The following ARSK variants were observed in gnomAD, a reference collection of about 807,000 sequenced individuals.
ARSK encodes the protein arylsulfatase family member K, also known as arylsulfatase K.
Under a neutral mutation model 53.2 loss-of-function variants are expected in ARSK, and 37 were observed. The ratio of observed to expected loss-of-function variants is 0.70; its 90% confidence interval spans 0.54 to 0.92. The LOEUF is 0.92. ARSK is among the 40% of genes least tolerant of loss of function. The pLI is 0.00. For missense variants in ARSK, 613 were observed against 643.0 expected (o/e 0.95, Z 0.51); for synonymous variants, 208 against 223.2 (o/e 0.93, Z 0.61).
At chr5:95,571,020 A>T (rs150276903) in intron 3 of ARSK, among the ~76,000 whole-genome samples, 6,518 of 152,310 alleles carry the variant, frequency 0.043, 196 homozygotes, top group East Asian at 0.11. Flanking sequence ...TGACCTCATG[A>T]TCTGCCCGCC....
intron 3 of ARSK, among the ~76,000 whole-genome samples, chr5:95,574,694 A>G (rs1561363533): frequency 6.6e-6 from 1 of 151,782 alleles, no homozygotes; most frequent in East Asian, 1.9e-4. Context: ...CGATTATTAG[A>G]TTTTTTTCCT....
In ARSK at chr5:95,602,838, T is replaced by C. The variant is rs970146592; in HGVS notation, c.1322-399T>C. Reference sequence around the variant, plus strand: ...GTTGCAGGAACATGACTTGTCTATATAAAGAATTTGTAGAAAGTTTGAGGC... The same window carrying C: ...GTTGCAGGAACATGACTTGTCTATACAAAGAATTTGTAGAAAGTTTGAGGC... On this transcript the variant is annotated intron_variant, in intron 7 of 7. Transcript: ENST00000380009. Among the ~76,000 whole-genome samples the C allele has an allele frequency of 2.0e-5, 3 of 152,302 alleles. No individual in the cohort carries two copies. In the East Asian group the frequency reaches 5.8e-4, roughly 29 times the overall value.
In ARSK at chr5:95,567,988, C is replaced by A. The variant is rs139138228; in HGVS notation, c.355C>A (p.His119Asn). The change falls in exon 3 of 8, where the codon CAT becomes AAT. Residue 119 changes from histidine to asparagine, a missense_variant. His to Asn is a moderately conservative substitution (Grantham distance 68, BLOSUM62 1). Coordinates refer to ENST00000380009, the MANE Select transcript of ARSK (RefSeq NM_198150.3). ...YTTWMDVMER[H>N]GYRTQKFGKL... The stretch of plus-strand genomic sequence containing the variant: ...AACATGGATGGATGTCATGGAGAGG[C>A]ATGGCTACCGAACACAGAAATTTGG... 1.4e-4 allele frequency: 232 copies of A among 1,613,674 alleles called. No homozygotes were observed. Among genetic ancestry groups the A allele is most frequent in the Non-Finnish European group, 9.3e-6 (11 of 1,179,862 alleles).
At chr5:95,566,215 T>G in intron 2 of ARSK, 88 bp downstream of exon 2, 1 of 1,485,670 alleles carries the variant, frequency 6.7e-7, no homozygotes, top group Middle Eastern at 1.7e-4. Flanking sequence ...AAAAGTAGAA[T>G]AGTTGTATTT....
chr5:95,594,465 A>G (rs1487988886), intron 6 of ARSK, among the ~76,000 whole-genome samples: 1 of 152,252 alleles, frequency 6.6e-6, no homozygotes, highest in African/African-American at 2.4e-5. Context: ...CAGTGGTCAT[A>G]AAAATATTAA....
At chr5:95,558,589 A>G (rs1341692888) in intron 1 of ARSK, among the ~76,000 whole-genome samples, 1 of 152,232 alleles carries the variant, frequency 6.6e-6, no homozygotes, top group Non-Finnish European at 1.5e-5. Flanking sequence ...CAACAACTGT[A>G]TGTCATCAAA....
At chr5:95,580,748 A>G in intron 3 of ARSK, 1 of 283,994 alleles carries the variant, frequency 3.5e-6, no homozygotes, top group South Asian at 4.9e-5. Flanking sequence ...CATTGATTAT[A>G]ATTATTAATC....
chr5:95,598,928 G>A (rs2112449247), intron 6 of ARSK, among the ~76,000 whole-genome samples: 1 of 152,284 alleles, frequency 6.6e-6, no homozygotes. Flanking sequence ...CTGTCTAAAT[G>A]TGACCTTCTC....
chr5:95,566,715 G>T (rs1348221960), intron 2 of ARSK, among the ~76,000 whole-genome samples: 1 of 152,082 alleles, frequency 6.6e-6, no homozygotes, highest in East Asian at 1.9e-4. Flanking sequence ...TTAACAAATA[G>T]GAAAAAACTG....
At chr5:95,574,116 G>C (rs1023701404) in intron 3 of ARSK, among the ~76,000 whole-genome samples, 3 of 151,942 alleles carry the variant, frequency 2.0e-5, no homozygotes, top group Non-Finnish European at 4.4e-5. Context: ...TTCTGTGCCT[G>C]GCTTATTTCA....
At chr5:95,565,951 C>A in intron 1 of ARSK, 47 bp from the exon 2 acceptor site, 1 of 1,503,758 alleles carries the variant, frequency 6.7e-7, no homozygotes, top group Non-Finnish European at 8.9e-7. Context: ...AAATAATTTT[C>A]TTCTTTGGTA....
intron 3 of ARSK, among the ~76,000 whole-genome samples, chr5:95,568,794 T>C (rs1748774908): frequency 6.6e-6 from 1 of 152,168 alleles, no homozygotes; most frequent in Non-Finnish European, 1.5e-5. Flanking sequence ...GCCTGGAGCA[T>C]TTGTGCATTG....
intron 3 of ARSK, among the ~76,000 whole-genome samples, chr5:95,577,559 G>C (rs972400728): frequency 3.3e-5 from 5 of 152,112 alleles, no homozygotes; most frequent in African/African-American, 1.2e-4. Flanking sequence ...AATCAAAAAG[G>C]CTGCCTTTGT....
Position 95,563,503 on chromosome 5 carries a change from C to T in ARSK, c.127-2495C>T, listed in dbSNP as rs74758867. ...AATCGTTGGGAACTTTCCCACATGA[C>T]GGCAGTCGCCCCCTCCCTTTCTGGT... On this transcript the variant is annotated intron_variant, in intron 1 of 7. Coordinates refer to ENST00000380009, the MANE Select transcript of ARSK (RefSeq NM_198150.3). Among the ~76,000 whole-genome samples the T allele has an allele frequency of 3.3e-5, 5 of 152,310 alleles. No individual in the cohort carries two copies. The East Asian group carries it at 5.8e-4, about 18-fold the overall frequency.
chr5:95,596,509 G>C (rs907159423), intron 6 of ARSK, among the ~76,000 whole-genome samples: 1 of 152,032 alleles, frequency 6.6e-6, no homozygotes, highest in African/African-American at 2.4e-5. Flanking sequence ...TAGTGTATTT[G>C]ACTTTTAAAA....
At chr5:95,556,937 G>A (rs1748532385) in intron 1 of ARSK, 1 of 151,862 alleles carries the variant, frequency 6.6e-6, no homozygotes, top group Non-Finnish European at 1.5e-5. Flanking sequence ...GTGAACCTGG[G>A]AGGCGGAGCT....
Position 95,592,612 on chromosome 5 carries a change from G to C in ARSK, c.1096+987G>C, listed in dbSNP as rs185113542. 2.1e-3 allele frequency among the ~76,000 whole-genome samples: 320 copies of C among 152,092 alleles called. 2 individuals are homozygous for C. The highest frequency in any genetic ancestry group is 0.015 in the Admixed American group (223 of 15,274). ...CACCCAGGCTGGAGTGCAGTGGTGC[G>C]ATTTCGGCTCCCTGCAACCTCTGCC... On this transcript the variant is annotated intron_variant, in intron 6 of 7. Transcript: ENST00000380009.
At chr5:95,597,508 T>C (rs1749329744) in intron 6 of ARSK, among the ~76,000 whole-genome samples, 1 of 152,228 alleles carries the variant, frequency 6.6e-6, no homozygotes, top group Non-Finnish European at 1.5e-5. Flanking sequence ...AAGGTCAGAC[T>C]GCCTAAGTTC....
intron 5 of ARSK, 83 bp downstream of exon 5, chr5:95,586,816 C>T: frequency 8.2e-7 from 1 of 1,224,532 alleles, no homozygotes. Context: ...TGCTTGGTGA[C>T]TTTCTTACAA....
Sources: allele counts gnomAD v4.1 joint callset (sites outside exome capture counted in the v4.1 genomes callset), GRCh38; gene constraint gnomAD v4.1.1; transcripts MANE v1.5; gene names NCBI Gene and HGNC (gene_info 2026-07-23, HGNC 2026-07-21).